The following MEI4 variants were observed in gnomAD, a reference collection of about 807,000 sequenced individuals.
MEI4 encodes meiotic double-stranded break formation protein 4.
MEI4 carries 27 observed loss-of-function variants against 31.4 expected under a neutral mutation model. That is an observed-to-expected ratio of 0.86 (90% confidence interval 0.63 to 1.19). MEI4 has a LOEUF of 1.19. Ranked by LOEUF, MEI4 falls within the 50% of genes most tolerant of loss-of-function variation. MEI4 has a pLI of 0.00. For missense variants in MEI4, 329 were observed against 398.9 expected (o/e 0.82, Z 1.49); for synonymous variants, 122 against 145.4 (o/e 0.84, Z 1.16).
intron 1 of MEI4, among the ~76,000 whole-genome samples, chr6:77,658,959 T>A (rs1238742721): frequency 6.6e-6 from 1 of 152,092 alleles, no homozygotes; most frequent in African/African-American, 2.4e-5. Context: ...CATTTAAGAA[T>A]ATGCAGAGTC....
chr6:77,728,181 T>TA (rs570218037), intron 2 of MEI4, among the ~76,000 whole-genome samples: 2 of 152,140 alleles, frequency 1.3e-5, no homozygotes, highest in African/African-American at 2.4e-5. Context: ...AACTGAAAGT[T>TA]AAAAAAATAT....
At chr6:77,721,021 T>C (rs1766698529) in intron 2 of MEI4, among the ~76,000 whole-genome samples, 3 of 89,064 alleles carry the variant, frequency 3.4e-5, no homozygotes, top group African/African-American at 4.6e-5. Context: ...CTCTGCTCTT[T>C]GAGCCGATTG....
intron 3 of MEI4, among the ~76,000 whole-genome samples, chr6:77,800,408 G>T (rs1769218175): frequency 6.6e-6 from 1 of 152,062 alleles, no homozygotes; most frequent in Non-Finnish European, 1.5e-5. Flanking sequence ...GAGACAATGG[G>T]GTTTTCTAGA....
At chr6:77,874,527 G>T (rs187090930) in intron 4 of MEI4, among the ~76,000 whole-genome samples, 6 of 152,240 alleles carry the variant, frequency 3.9e-5, no homozygotes, top group Admixed American at 2.6e-4. Flanking sequence ...GGGTTTTCTA[G>T]ATATACAATC....
intron 3 of MEI4, among the ~76,000 whole-genome samples, chr6:77,767,333 C>T (rs1768200460): frequency 6.6e-6 from 1 of 151,654 alleles, no homozygotes; most frequent in Non-Finnish European, 1.5e-5. Flanking sequence ...TGAGCCAAGA[C>T]TGCACCACTG....
chr6:77,690,765 T>C lies in MEI4; in HGVS notation c.94T>C (p.Tyr32His). The C allele has an allele frequency of 8.1e-7, 1 of 1,231,676 alleles. No homozygotes were observed. The highest frequency in any genetic ancestry group is 3.1e-4 in the Middle Eastern group (1 of 3,208). 76.3% of individuals were successfully genotyped at this position (1,231,676 alleles called of 1,614,324 possible). A position where few individuals can be genotyped will look rare whatever the true frequency, so the allele number is the denominator to read the frequency against. ...SKPADKSSRE[Y>H]TEHLAMLLSE... Reference sequence around the variant, plus strand: ...ACCAGCAGACAAAAGCAGCAGAGAATACACAGAGCACCTTGCTATGTTGCT... The same window carrying C: ...ACCAGCAGACAAAAGCAGCAGAGAACACACAGAGCACCTTGCTATGTTGCT... Residue 32 changes from tyrosine to histidine, a missense_variant, in exon 2 of 5, where the codon TAC becomes CAC. By Grantham distance (83) the Tyr-to-His change is moderately conservative. Coordinates refer to ENST00000684080, the MANE Select transcript of MEI4 (RefSeq NM_001322247.2).
intron 3 of MEI4, among the ~76,000 whole-genome samples, chr6:77,807,734 A>G (rs964678750): frequency 6.6e-6 from 1 of 152,148 alleles, no homozygotes; most frequent in Non-Finnish European, 1.5e-5. Flanking sequence ...CAAAATGCAC[A>G]TGCCTGGGAC....
At chr6:77,844,578 G>C (rs1770435367) in intron 4 of MEI4, among the ~76,000 whole-genome samples, 1 of 152,102 alleles carries the variant, frequency 6.6e-6, no homozygotes, top group South Asian at 2.1e-4. Flanking sequence ...TTTTGTTAAA[G>C]ATGAGGGTAA....
chr6:77,757,555 A>T (rs1280031995), intron 2 of MEI4, among the ~76,000 whole-genome samples: 2 of 152,220 alleles, frequency 1.3e-5, no homozygotes, highest in African/African-American at 2.4e-5. Context: ...TGGCTTGCCA[A>T]AAGGCATGGC....
chr6:77,907,520 C>A (rs1011632308), intron 4 of MEI4, among the ~76,000 whole-genome samples: 1 of 152,138 alleles, frequency 6.6e-6, no homozygotes, highest in Non-Finnish European at 1.5e-5. Context: ...GCCACATTTT[C>A]TTAATCCAGT....
At chr6:77,919,421 C>G (rs1194721209) in intron 4 of MEI4, among the ~76,000 whole-genome samples, 8 of 151,562 alleles carry the variant, frequency 5.3e-5, no homozygotes, top group Non-Finnish European at 1.2e-4. Context: ...CGAAATGAAG[C>G]CAGAAATAAA....
At chr6:77,708,903 G>C (rs1766392332) in intron 2 of MEI4, among the ~76,000 whole-genome samples, 1 of 152,104 alleles carries the variant, frequency 6.6e-6, no homozygotes, top group South Asian at 2.1e-4. Flanking sequence ...AGAAACATGA[G>C]CCAAATAAAC....
intron 3 of MEI4, among the ~76,000 whole-genome samples, chr6:77,793,798 A>C (rs1769004997): frequency 6.6e-6 from 1 of 152,152 alleles, no homozygotes; most frequent in Non-Finnish European, 1.5e-5. Context: ...ATACAGAAAA[A>C]ATTAAGAGAA....
intron 2 of MEI4, among the ~76,000 whole-genome samples, chr6:77,708,519 G>A (rs888411181): frequency 2.0e-5 from 3 of 152,186 alleles, no homozygotes; most frequent in Non-Finnish European, 2.9e-5. Flanking sequence ...AGAGATGATT[G>A]TATTATGGAA....
chr6:77,741,208 T>C (rs1413230829), intron 2 of MEI4, among the ~76,000 whole-genome samples: 5 of 152,084 alleles, frequency 3.3e-5, no homozygotes, highest in African/African-American at 1.2e-4. Flanking sequence ...TGCATGTAAA[T>C]AACGATAAGA....
intron 4 of MEI4, among the ~76,000 whole-genome samples, chr6:77,911,094 G>GC (rs1456495480): frequency 6.6e-6 from 1 of 151,754 alleles, no homozygotes; most frequent in Non-Finnish European, 1.5e-5. Flanking sequence ...CATGTCCTTT[G>GC]CCCACTTATT....
At chr6:77,915,294 C>A (rs1318457965) in intron 4 of MEI4, among the ~76,000 whole-genome samples, 1 of 152,070 alleles carries the variant, frequency 6.6e-6, no homozygotes, top group Admixed American at 6.6e-5. Flanking sequence ...GGTTGTAGGA[C>A]TCCTTTCAGC....
At chr6:77,700,803 A>G (rs183874150) in intron 2 of MEI4, among the ~76,000 whole-genome samples, 1 of 152,318 alleles carries the variant, frequency 6.6e-6, no homozygotes, top group Admixed American at 6.5e-5. Context: ...GTTTTTCTAC[A>G]GCTTCTTAAT....
chr6:77,824,916 C>T (rs1382997703), intron 3 of MEI4, among the ~76,000 whole-genome samples: 1 of 152,092 alleles, frequency 6.6e-6, no homozygotes, highest in Non-Finnish European at 1.5e-5. Flanking sequence ...AATCGTTCTT[C>T]ATTCTAACAT....
Sources: gnomAD v4.1 joint callset for allele counts (sites outside exome capture counted in the v4.1 genomes callset) on GRCh38, gnomAD v4.1.1 for gene constraint, MANE v1.5 for transcripts, NCBI Gene and HGNC (gene_info 2026-07-23, HGNC 2026-07-21) for gene names.